The following TEX9 variants were observed in gnomAD, a reference collection of about 807,000 sequenced individuals.
TEX9 encodes the protein testis expressed 9, also known as testis-expressed protein 9.
TEX9 carries 74 observed loss-of-function variants against 59.6 expected under a neutral mutation model. The observed-to-expected ratio is 1.24, with a 90% CI of 1.03 to 1.51. The LOEUF (loss-of-function observed/expected upper bound fraction) is 1.51. Among genes scored for constraint, TEX9 ranks in the 40% most tolerant of loss-of-function variants. The pLI, the probability that TEX9 is intolerant of heterozygous loss-of-function variation, is 0.00. For missense variants in TEX9, 522 were observed against 447.8 expected, an observed-to-expected ratio of 1.17 and a Z score of -1.49; for synonymous variants, 186 against 152.2, an observed-to-expected ratio of 1.22 and a Z score of -1.64.
At chr15:56,260,291 A>G (rs1355775181) in intron 1 of TEX9, among the ~76,000 whole-genome samples, 1 of 152,134 alleles carries the variant, frequency 6.6e-6, no homozygotes, top group African/African-American at 2.4e-5. Flanking sequence ...GAAAATAAAT[A>G]TATTTGAGTG....
chr15:56,343,443 C>A (rs1308972203), intron 1 of TEX9, among the ~76,000 whole-genome samples: 2 of 151,906 alleles, frequency 1.3e-5, no homozygotes, highest in African/African-American at 4.8e-5. Flanking sequence ...GAAAAATTAA[C>A]AGGCTAAAAG....
At chr15:56,309,563 G>A (rs1368289434) in intron 1 of TEX9, among the ~76,000 whole-genome samples, 2 of 152,054 alleles carry the variant, frequency 1.3e-5, no homozygotes, top group African/African-American at 4.8e-5. Context: ...TGGTGGTAAT[G>A]AATGAATTGG....
chr15:56,293,524 G>A (rs2045146459), intron 1 of TEX9, among the ~76,000 whole-genome samples: 1 of 152,192 alleles, frequency 6.6e-6, no homozygotes, highest in Non-Finnish European at 1.5e-5. Context: ...TGAATGTTCT[G>A]CCTAATATAA....
intron 2 of TEX9, among the ~76,000 whole-genome samples, chr15:56,370,340 C>G (rs2047141623): frequency 6.6e-6 from 1 of 152,102 alleles, no homozygotes; most frequent in African/African-American, 2.4e-5. Context: ...ATAGTCTGTA[C>G]TAATTTAGAT....
intron 1 of TEX9, among the ~76,000 whole-genome samples, chr15:56,321,882 A>T (rs1288526242): frequency 3.3e-5 from 5 of 152,024 alleles, no homozygotes; most frequent in African/African-American, 1.2e-4. Flanking sequence ...AACAATAGAG[A>T]TGGAGAAAAC....
chr15:56,417,580 C>T (rs1053040145), intron 10 of TEX9, among the ~76,000 whole-genome samples: 2 of 151,696 alleles, frequency 1.3e-5, no homozygotes, highest in Admixed American at 1.3e-4. Flanking sequence ...CGTTCTTTTA[C>T]ATTTGTTGAG....
At chr15:56,443,435 G>T in intron 12 of TEX9, 3 of 1,559,374 alleles carry the variant, frequency 1.9e-6, no homozygotes, top group East Asian at 2.3e-5. Context: ...CTTACTTTTA[G>T]CTTGCTCTTA....
upstream of TEX9, among the ~76,000 whole-genome samples, chr15:56,361,093 AAC>A (rs1246273060): frequency 6.6e-5 from 10 of 152,204 alleles, no homozygotes; most frequent in Admixed American, 5.2e-4. Flanking sequence ...CACAGAAAAT[AAC>A]ACAGAACAGG....
At chr15:56,358,312 T>A (rs776955250) in intron 1 of TEX9, among the ~76,000 whole-genome samples, 16 of 151,894 alleles carry the variant, frequency 1.1e-4, no homozygotes, top group Non-Finnish European at 2.1e-4. Context: ...TCTCCTACTT[T>A]CTTCAAGTTC....
chr15:56,443,034 C>T (rs2050846058), intron 12 of TEX9, among the ~76,000 whole-genome samples: 1 of 152,126 alleles, frequency 6.6e-6, no homozygotes, highest in Admixed American at 6.6e-5. Context: ...AGGACTATGA[C>T]ATCTTCTAGA....
rs539302996 is a variant in TEX9, at chr15:56,382,381, C to T, written c.184-1571C>T. Among the ~76,000 whole-genome samples, 5 of 152,278 alleles carry T rather than the reference C, an allele frequency of 3.3e-5. No homozygotes were observed. The East Asian group carries it at 5.8e-4, about 18-fold the overall frequency. On this transcript the variant is annotated intron_variant, in intron 3 of 12. Coordinates refer to ENST00000352903, the Ensembl canonical transcript of TEX9. ...TGTGGCTGTGCTAGTTCTTAAGGTG[C>T]AAGACAAAGGCCCCTTTACTTTTCC...
downstream of TEX9, among the ~76,000 whole-genome samples, chr15:56,447,900 A>C (rs545828049): frequency 2.6e-5 from 4 of 152,326 alleles, no homozygotes; most frequent in South Asian, 6.2e-4. Flanking sequence ...ATGGAATCAT[A>C]GTGCAGGTAC....
chr15:56,251,243 T>C (rs2044008185), intron 1 of TEX9, among the ~76,000 whole-genome samples: 1 of 152,138 alleles, frequency 6.6e-6, no homozygotes, highest in South Asian at 2.1e-4. Context: ...GTTTTTGTTT[T>C]CTCCGTTTAA....
At chr15:56,366,305 G>A (rs1203320214) in intron 2 of TEX9, among the ~76,000 whole-genome samples, 1 of 152,132 alleles carries the variant, frequency 6.6e-6, no homozygotes, top group Non-Finnish European at 1.5e-5. Context: ...CAAAAGCTCT[G>A]ATCGATGTGG....
intron 1 of TEX9, among the ~76,000 whole-genome samples, chr15:56,322,251 T>G (rs2045919145): frequency 6.6e-6 from 1 of 152,130 alleles, no homozygotes; most frequent in Admixed American, 6.5e-5. Flanking sequence ...GTGTCAAGTC[T>G]GATAGGCCTT....
intron 1 of TEX9, among the ~76,000 whole-genome samples, chr15:56,349,404 G>T (rs1257597393): frequency 6.6e-6 from 1 of 152,054 alleles, no homozygotes. Context: ...CTAGAGATTT[G>T]GGCAGACTTT....
intron 1 of TEX9, among the ~76,000 whole-genome samples, chr15:56,340,226 C>G (rs2046345855): frequency 6.6e-6 from 1 of 152,054 alleles, no homozygotes; most frequent in Admixed American, 6.6e-5. Context: ...GAGGATTCTG[C>G]CAATTGCTAA....
intron 1 of TEX9, among the ~76,000 whole-genome samples, chr15:56,244,796 T>A (rs1371960595): frequency 8.2e-6 from 1 of 121,426 alleles, no homozygotes; most frequent in African/African-American, 3.2e-5. Flanking sequence ...ACACCCGCCC[T>A]CCCCCCGCAG....
chr15:56,266,788 C>T (rs576083310), intron 1 of TEX9, among the ~76,000 whole-genome samples: 23 of 152,232 alleles, frequency 1.5e-4, no homozygotes, highest in African/African-American at 5.3e-4. Context: ...AATAAACATA[C>T]GTGTGCATAT....
Sources: allele counts gnomAD v4.1 joint callset (sites outside exome capture counted in the v4.1 genomes callset), GRCh38; gene constraint gnomAD v4.1.1; transcripts MANE v1.5; gene names NCBI Gene and HGNC (gene_info 2026-07-23, HGNC 2026-07-21).